TET1: variants seen among roughly 807,000 people sequenced by gnomAD.
TET1 encodes the protein methylcytosine dioxygenase TET1.
In TET1, 13 loss-of-function variants were observed where a neutral mutation model predicts 148.7. The ratio of observed to expected loss-of-function variants is 0.09; its 90% CI spans 0.06 to 0.14. TET1 has a LOEUF of 0.14. Among genes scored for constraint, TET1 ranks in the 10% least tolerant of loss-of-function variants. The probability of loss-of-function intolerance (pLI) is 1.00; values close to 1 mark genes in which losing one functional copy is unlikely to be tolerated. For synonymous variants in TET1, 907 were observed against 937.2 expected, an observed-to-expected ratio of 0.97 and a Z score of 0.59; for missense variants, 2,182 against 2,553.8, an observed-to-expected ratio of 0.85 and a Z score of 3.14.
intron 2 of TET1, among the ~76,000 whole-genome samples, chr10:68,581,895 T>G (rs1339524408): frequency 1.3e-5 from 2 of 152,066 alleles, no homozygotes; most frequent in Admixed American, 6.6e-5. Context: ...AGATAGGGTC[T>G]TCATATATCT....
intron 2 of TET1, among the ~76,000 whole-genome samples, chr10:68,578,977 A>T (rs2053762701): frequency 6.6e-6 from 1 of 152,172 alleles, no homozygotes; most frequent in Admixed American, 6.6e-5. Context: ...TGATCGCGCC[A>T]CTGCACTCCA....
At chr10:68,614,876 G>A (rs1288955331) in intron 3 of TET1, among the ~76,000 whole-genome samples, 2 of 152,020 alleles carry the variant, frequency 1.3e-5, no homozygotes, top group Admixed American at 6.6e-5. Context: ...TTACAGGCGT[G>A]AGCCATCACA....
At chr10:68,605,536 CAG>C (rs1157009281) in intron 3 of TET1, among the ~76,000 whole-genome samples, 1 of 152,176 alleles carries the variant, frequency 6.6e-6, no homozygotes, top group African/African-American at 2.4e-5. Flanking sequence ...TTATTTGAGA[CAG>C]AGTCTCACTC....
Position 68,691,544 on chromosome 10 carries a change from C to T in TET1, c.6141C>T (p.Val2047=). The change falls in exon 12 of 12, where the codon GTC becomes GTT. Residue 2047 remains valine, a synonymous_variant. Transcript: ENST00000373644. The surrounding 1 kb of genome is among the most constrained non-coding windows in gnomAD (Gnocchi z 4.4). ...ATCATCCAACCCGCCTCTCCCTTGTCTTTTACCAGCACAAAAACCTAAATA... is the reference window on the plus strand; with the variant it reads ...ATCATCCAACCCGCCTCTCCCTTGTTTTTTACCAGCACAAAAACCTAAATA... ...NRNHPTRLSL[V]FYQHKNLNKP... 6.2e-7 allele frequency: 1 copy of T among 1,614,124 alleles called. No individual in the cohort carries two copies. Among genetic ancestry groups the T allele is most frequent in the Non-Finnish European group, 8.5e-7 (1 of 1,180,014 alleles).
rs540540839 is a variant in TET1 at position 68,597,158 on chromosome 10, C to T, written c.1915-3823C>T. Among the ~76,000 whole-genome samples the T allele has an allele frequency of 4.0e-5, 6 of 151,258 alleles. No homozygotes were observed. In the East Asian group the frequency reaches 9.7e-4, roughly 25 times the overall value. On this transcript the variant is annotated intron_variant, in intron 2 of 11. Transcript: ENST00000373644. The stretch of plus-strand genomic sequence containing the variant: ...AAGTGATCCTCCTGCCTCAGTCTCC[C>T]GAGTAGTTGGGACTATAGGTGCATG...
At chr10:68,637,522 T>TTC (rs2054671862) in intron 3 of TET1, among the ~76,000 whole-genome samples, 1 of 146,396 alleles carries the variant, frequency 6.8e-6, no homozygotes, top group South Asian at 2.2e-4. Flanking sequence ...CCTATTCTTT[T>TTC]TTTTTTTTTT....
At chr10:68,657,786 G>A (rs866228751) in intron 6 of TET1, among the ~76,000 whole-genome samples, 28 of 121,746 alleles carry the variant, frequency 2.3e-4, no homozygotes, top group African/African-American at 6.7e-4. Flanking sequence ...TTAAACTTTA[G>A]GTAGAGGTTG....
intron 2 of TET1, among the ~76,000 whole-genome samples, chr10:68,598,444 A>T (rs1424459438): frequency 1.3e-5 from 2 of 152,258 alleles, no homozygotes; most frequent in Non-Finnish European, 2.9e-5. Flanking sequence ...CAATTTAAAA[A>T]AAAATCACCA....
At chr10:68,652,184 T>C (rs1167998159) in intron 5 of TET1, among the ~76,000 whole-genome samples, 2 of 152,144 alleles carry the variant, frequency 1.3e-5, no homozygotes, top group Admixed American at 6.5e-5. Flanking sequence ...AGAAGTACTT[T>C]TTATATATCG....
chr10:68,595,297 T>C (rs1370600296), intron 2 of TET1, among the ~76,000 whole-genome samples: 2 of 152,198 alleles, frequency 1.3e-5, no homozygotes, highest in Non-Finnish European at 2.9e-5. Context: ...GTACTTGGAA[T>C]ATCTTTAGTT....
At chr10:68,649,775 C>T (rs577656674) in intron 4 of TET1, among the ~76,000 whole-genome samples, 2 of 152,250 alleles carry the variant, frequency 1.3e-5, no homozygotes, top group South Asian at 4.1e-4. Context: ...AAGACCCTTT[C>T]CTTATGCAAA....
At chr10:68,587,241 T>C (rs1479926989) in intron 2 of TET1, among the ~76,000 whole-genome samples, 1 of 152,146 alleles carries the variant, frequency 6.6e-6, no homozygotes, top group Non-Finnish European at 1.5e-5. Context: ...CGCAACACCA[T>C]ATTGTGGTGA....
chr10:68,561,413 A>G (rs2053551615), intron 1 of TET1, among the ~76,000 whole-genome samples: 1 of 152,148 alleles, frequency 6.6e-6, no homozygotes, highest in African/African-American at 2.4e-5. Flanking sequence ...GGATCAGGGA[A>G]GAAGGGAAGA....
intron 2 of TET1, among the ~76,000 whole-genome samples, chr10:68,577,478 G>A (rs555358163): frequency 1.4e-5 from 2 of 144,504 alleles, no homozygotes; most frequent in Admixed American, 7.2e-5. Context: ...AACATAGCAA[G>A]ACCTCATCAA....
Position 68,593,779 on chromosome 10 carries a change from A to AT in TET1, c.1915-7196dup, listed in dbSNP as rs1428509950. ...AGGCACCCGCCACCACGCCCAGCTAATTTTTTGTATTTTTAGTAGAGACAG... is the reference window on the plus strand; with the variant it reads ...AGGCACCCGCCACCACGCCCAGCTAATTTTTTTGTATTTTTAGTAGAGACAG... On this transcript the variant is annotated intron_variant, in intron 2 of 11. Coordinates refer to ENST00000373644, the MANE Select transcript of TET1 (RefSeq NM_030625.3). Among the ~76,000 whole-genome samples the AT allele has an allele frequency of 2.0e-5, 3 of 151,342 alleles. No homozygotes were observed. In the East Asian group the frequency reaches 5.8e-4, roughly 29 times the overall value.
intron 2 of TET1, among the ~76,000 whole-genome samples, chr10:68,590,269 T>C (rs1301106694): frequency 6.6e-6 from 1 of 151,980 alleles, no homozygotes; most frequent in Admixed American, 6.6e-5. Context: ...TGTACCACCA[T>C]GCCCGGCTAG....
At chr10:68,647,854 T>C (rs899449810) in intron 4 of TET1, among the ~76,000 whole-genome samples, 3 of 152,194 alleles carry the variant, frequency 2.0e-5, no homozygotes, top group African/African-American at 2.4e-5. Context: ...TTACGCTCTG[T>C]CCAGTACAAG....
chr10:68,590,167 C>T (rs2053903195), intron 2 of TET1, among the ~76,000 whole-genome samples: 1 of 151,948 alleles, frequency 6.6e-6, no homozygotes, highest in Non-Finnish European at 1.5e-5. Context: ...GTCTGGAGTG[C>T]AGTAGTGTGA....
chr10:68,669,940 G>A (rs542336806), intron 7 of TET1, among the ~76,000 whole-genome samples: 7 of 152,206 alleles, frequency 4.6e-5, no homozygotes, highest in East Asian at 1.9e-4. Flanking sequence ...CACCGTGCCC[G>A]GCCTGGTAAA....
Sources: gnomAD v4.1 joint callset for allele counts (sites outside exome capture counted in the v4.1 genomes callset) on GRCh38, gnomAD v4.1.1 for gene constraint, Gnocchi (gnomAD v3.1) non-coding constraint, MANE v1.5 for transcripts, NCBI Gene and HGNC (gene_info 2026-07-23, HGNC 2026-07-21) for gene names.